The following VRK3 variants were observed in gnomAD, a reference collection of about 807,000 sequenced individuals.
VRK3 encodes VRK serine/threonine kinase 3.
A neutral mutation model predicts 60.4 loss-of-function variants in VRK3; 50 were observed. That is an observed-to-expected ratio of 0.83 (90% CI 0.66 to 1.05). The LOEUF is 1.05. VRK3 is among the 50% of genes least tolerant of loss of function. The probability of loss-of-function intolerance (pLI) is 0.00; values close to 1 mark genes in which losing one functional copy is unlikely to be tolerated. For missense variants in VRK3, 549 were observed against 585.3 expected, an observed-to-expected ratio of 0.94 and a Z score of 0.64; for synonymous variants, 246 against 227.8, an observed-to-expected ratio of 1.08 and a Z score of -0.72.
At chr19:49,992,267 C>T (rs2076624454) in intron 10 of VRK3, among the ~76,000 whole-genome samples, 1 of 152,138 alleles carries the variant, frequency 6.6e-6, no homozygotes, top group African/African-American at 2.4e-5. Context: ...ATTAGCTAGG[C>T]GTAGTGGCGC....
chr19:50,013,851 A>C (rs283515), intron 3 of VRK3, among the ~76,000 whole-genome samples: 4 of 152,248 alleles, frequency 2.6e-5, no homozygotes, highest in African/African-American at 9.6e-5. Context: ...TAGGGTTGAG[A>C]CAAGTACCAA....
chr19:50,021,336 T>A (rs2077167917), intron 1 of VRK3, among the ~76,000 whole-genome samples: 1 of 152,160 alleles, frequency 6.6e-6, no homozygotes, highest in South Asian at 2.1e-4. Context: ...TGACTGCTCC[T>A]ACCAATAGAG....
At chr19:49,998,479 C>CAAA (rs59383071) in intron 6 of VRK3, 2 of 129,206 alleles carry the variant, frequency 1.5e-5, no homozygotes, top group African/African-American at 5.3e-5. Context: ...GATTTTGTAG[C>CAAA]AAAAAAAAAA....
In VRK3 at chr19:50,007,714, C is replaced by T. The variant is rs1282887197; in HGVS notation, c.402G>A (p.Arg134=). 6.2e-7 allele frequency: 1 copy of T among 1,613,956 alleles called. No homozygotes were observed. The highest frequency in any genetic ancestry group is 8.5e-7 in the Non-Finnish European group (1 of 1,180,018). ...QKTSCSPQKT[R]QSPQTLKRSR... ...TCCGCTTCAGCGTCTGAGGGCTCTG[C>T]CTGGTCTTCTGAGGGCTACAGCTGG... Residue 134 remains arginine (R), a synonymous_variant, in exon 5 of 15, where the codon AGG becomes AGA. Coordinates refer to ENST00000316763, the MANE Select transcript of VRK3 (RefSeq NM_016440.4).
intron 9 of VRK3, 50 bp downstream of exon 9, chr19:49,994,764 T>G (rs1352316990): frequency 2.6e-6 from 4 of 1,527,486 alleles, no homozygotes; most frequent in Non-Finnish European, 2.7e-6. Flanking sequence ...TAAACTAGGA[T>G]GTGATGTGCC....
chr19:50,024,552 G>A (rs112152021), intron 1 of VRK3, among the ~76,000 whole-genome samples: 31 of 152,334 alleles, frequency 2.0e-4, no homozygotes, highest in African/African-American at 7.2e-4. Flanking sequence ...CAACCACCCT[G>A]AGAATGTGAA....
At chr19:50,022,753 C>T (rs925790469) in intron 1 of VRK3, among the ~76,000 whole-genome samples, 17 of 152,132 alleles carry the variant, frequency 1.1e-4, no homozygotes, top group Admixed American at 5.9e-4. Flanking sequence ...AAGATTGCAC[C>T]GCTGCACTCC....
Position 50,009,231 on chromosome 19 carries a change from C to G in VRK3, c.289+5G>C. 12 of 1,613,702 alleles carry G rather than the reference C, an allele frequency of 7.4e-6. No homozygotes were observed. Among genetic ancestry groups the G allele is most frequent in the African/African-American group, 1.3e-5 (1 of 75,024 alleles). On this transcript the variant is annotated splice_donor_5th_base_variant and intron_variant, in intron 4 of 14. Coordinates refer to ENST00000316763, the MANE Select transcript of VRK3 (RefSeq NM_016440.4). ...GAGTCAGGCCAGATAGACCTTAACT[C>G]TTACCTTTGGATCTCTCAGAGGAAC...
chr19:50,022,950 C>T (rs560885479), intron 1 of VRK3, among the ~76,000 whole-genome samples: 2 of 150,740 alleles, frequency 1.3e-5, no homozygotes, highest in South Asian at 4.1e-4. Flanking sequence ...TGTTCCCTCT[C>T]TGACCTCTCC....
intron 1 of VRK3, among the ~76,000 whole-genome samples, chr19:50,023,300 C>T (rs922286867): frequency 5.9e-5 from 9 of 152,232 alleles, no homozygotes; most frequent in African/African-American, 2.2e-4. Flanking sequence ...ATTCTCCTGC[C>T]TCAGCCTCCC....
chr19:49,982,390 G>A (rs1335598829), intron 12 of VRK3, among the ~76,000 whole-genome samples: 1 of 152,210 alleles, frequency 6.6e-6, no homozygotes, highest in Non-Finnish European at 1.5e-5. Flanking sequence ...TGATCCTCCT[G>A]TCTCGGCCTC....
intron 12 of VRK3, among the ~76,000 whole-genome samples, chr19:49,981,343 C>T (rs1323287314): frequency 6.6e-6 from 1 of 152,072 alleles, no homozygotes; most frequent in Non-Finnish European, 1.5e-5. Context: ...TCAGGAGATC[C>T]GAGATCATCC....
At chr19:49,978,088 C>T (rs773431060) in intron 14 of VRK3, among the ~76,000 whole-genome samples, 1 of 152,150 alleles carries the variant, frequency 6.6e-6, no homozygotes, top group East Asian at 1.9e-4. Context: ...ATCTCACAAT[C>T]GTGGTGCTGC....
intron 12 of VRK3, chr19:49,981,880 T>C: frequency 9.6e-6 from 11 of 1,144,952 alleles, no homozygotes; most frequent in Non-Finnish European, 1.0e-5. Flanking sequence ...TTTGAGGAGA[T>C]TTTAACTGGT....
Position 49,990,994 on chromosome 19 carries a change from C to A in VRK3, c.964-1223G>T, listed in dbSNP as rs117101519. Among the ~76,000 whole-genome samples the A allele has an allele frequency of 9.2e-3, 1,399 of 152,136 alleles. 73 individuals carry two copies. In the East Asian group the frequency reaches 0.11, roughly 12 times the overall value. ...TGTACAGATGAGGTTCCCTATGTTTCCCAGGCTGGTCTCGAACTCCTGGGC... is the reference window on the plus strand; with the variant it reads ...TGTACAGATGAGGTTCCCTATGTTTACCAGGCTGGTCTCGAACTCCTGGGC... On this transcript the variant is annotated intron_variant, in intron 10 of 14. Transcript: ENST00000316763.
chr19:49,982,702 G>T (rs1334954803), intron 12 of VRK3, among the ~76,000 whole-genome samples: 1 of 152,178 alleles, frequency 6.6e-6, no homozygotes, highest in Non-Finnish European at 1.5e-5. Context: ...GTGAGTAAGA[G>T]AATTCACACA....
intron 3 of VRK3, among the ~76,000 whole-genome samples, chr19:50,010,201 T>G (rs1381924646): frequency 6.6e-6 from 1 of 152,230 alleles, no homozygotes; most frequent in Admixed American, 6.5e-5. Context: ...TTCTCTTATT[T>G]GCCTGTGCAA....
In VRK3 at chr19:49,995,932, A is replaced by T. The variant is rs954153013; in HGVS notation, c.680-657T>A. On this transcript the variant is annotated intron_variant, in intron 7 of 14. Transcript: ENST00000316763. Reference sequence around the variant, plus strand: ...CCCAGCTAATTTTTTTTTATTTTTTATTTTTTTTGAGATGGAGTCTTCGTC... The same window carrying T: ...CCCAGCTAATTTTTTTTTATTTTTTTTTTTTTTTGAGATGGAGTCTTCGTC... Among the ~76,000 whole-genome samples the T allele has an allele frequency of 4.7e-5, 7 of 149,556 alleles. No homozygotes were observed. The East Asian group carries it at 1.2e-3, about 25-fold the overall frequency.
Position 50,010,763 on chromosome 19 carries a change from A to G in VRK3, c.140-1378T>C, listed in dbSNP as rs1372800010. 5.3e-5 allele frequency among the ~76,000 whole-genome samples: 8 copies of G among 152,194 alleles called. No homozygotes were observed. In the East Asian group the frequency reaches 1.5e-3, roughly 29 times the overall value. On this transcript the variant is annotated intron_variant, in intron 3 of 14. Transcript: ENST00000316763. ...CCCCGTCCCTACTAAAAATATAAGAATTAGCTGGGTGTGGTGGCAGGTGCC... is the reference window on the plus strand; with the variant it reads ...CCCCGTCCCTACTAAAAATATAAGAGTTAGCTGGGTGTGGTGGCAGGTGCC...
Sources: gnomAD v4.1 joint callset for allele counts (sites outside exome capture counted in the v4.1 genomes callset) on GRCh38, gnomAD v4.1.1 for gene constraint, MANE v1.5 for transcripts, NCBI Gene and HGNC (gene_info 2026-07-23, HGNC 2026-07-21) for gene names.